TET3: variants seen among roughly 807,000 people sequenced by gnomAD.
The protein encoded by TET3 is tet methylcytosine dioxygenase 3, also known as methylcytosine dioxygenase TET3.
In TET3, 19 loss-of-function variants were observed where a neutral mutation model predicts 141.4. That is an observed-to-expected ratio of 0.13 (90% CI 0.09 to 0.20). The LOEUF is 0.20. TET3 is among the 10% of genes least tolerant of loss of function. The probability of loss-of-function intolerance (pLI) is 1.00; values close to 1 mark genes in which losing one functional copy is unlikely to be tolerated. For synonymous variants in TET3, 1,043 were observed against 980.9 expected (o/e 1.06, Z -1.18); for missense variants, 1,874 against 2,356.9 (o/e 0.80, Z 4.24).
intron 10 of TET3, among the ~76,000 whole-genome samples, chr2:74,096,640 C>T (rs1402677180): frequency 1.3e-5 from 2 of 151,834 alleles, no homozygotes; most frequent in Non-Finnish European, 2.9e-5. Flanking sequence ...TGGTGGCAGG[C>T]GCCTGTAATC....
In TET3 at chr2:74,100,429, T is replaced by C. The variant is rs769582752; in HGVS notation, c.3641T>C (p.Leu1214Pro). Residue 1214 changes from leucine to proline, a missense_variant, in exon 12 of 12, where the codon CTG becomes CCG. This residue lies in a region of TET3 where 602 missense variants were observed against 590.2 expected (regional missense o/e 1.02). Coordinates refer to ENST00000409262, the MANE Select transcript of TET3 (RefSeq NM_001287491.2). The part of the protein sequence containing the change: ...SLKGGLSQQG[L>P]KPSLKVEPQN... ...AAGGGTGGATTGTCCCAGCAAGGCC[T>C]GAAGCCCTCCCTCAAGGTGGAGCCG... 1.2e-5 allele frequency: 19 copies of C among 1,573,204 alleles called. No individual in the cohort carries two copies. Among genetic ancestry groups the C allele is most frequent in the Non-Finnish European group, 1.5e-5 (17 of 1,159,524 alleles).
At chr2:74,066,753 G>C (rs933223919) in intron 4 of TET3, among the ~76,000 whole-genome samples, 1 of 152,116 alleles carries the variant, frequency 6.6e-6, no homozygotes, top group East Asian at 1.9e-4. Context: ...TTAGATCTTC[G>C]TATCTTGTTT....
the TET3 span, chr2:74,120,654 G>C: frequency 6.6e-6 from 1 of 152,440 alleles, no homozygotes; most frequent in South Asian, 2.1e-4. Flanking sequence ...GTGGCCGAGT[G>C]GGACCCACTT....
intron 6 of TET3, among the ~76,000 whole-genome samples, chr2:74,086,098 G>A (rs930776891): frequency 1.3e-5 from 2 of 152,160 alleles, no homozygotes; most frequent in African/African-American, 4.8e-5. Context: ...TCACCATCCT[G>A]CGTGGAGTTC....
At chr2:74,085,508 G>A (rs1267074992) in intron 6 of TET3, among the ~76,000 whole-genome samples, 1 of 152,250 alleles carries the variant, frequency 6.6e-6, no homozygotes, top group East Asian at 1.9e-4. Context: ...TATCCTTAGA[G>A]ACCACTCAGG....
chr2:74,092,594 G>A (rs1479634761), intron 8 of TET3, among the ~76,000 whole-genome samples: 15 of 152,170 alleles, frequency 9.9e-5, no homozygotes, highest in Admixed American at 9.8e-4. Context: ...TTCAGCACTC[G>A]AAAGCAAGAA....
downstream of TET3, among the ~76,000 whole-genome samples, chr2:74,112,176 A>G (rs150653632): frequency 1.6e-4 from 24 of 152,258 alleles, no homozygotes; most frequent in African/African-American, 5.8e-4. Context: ...GACACATTTT[A>G]ACTTTGCCGC....
At chr2:74,002,011 GC>G (rs1387410857) in intron 2 of TET3, among the ~76,000 whole-genome samples, 5 of 152,070 alleles carry the variant, frequency 3.3e-5, no homozygotes, top group African/African-American at 1.2e-4. Flanking sequence ...GTGGAGGAGG[GC>G]AGGGTTGACA....
At chr2:73,998,855 C>T (rs1035788617) in intron 2 of TET3, among the ~76,000 whole-genome samples, 10 of 151,920 alleles carry the variant, frequency 6.6e-5, no homozygotes, top group African/African-American at 2.4e-4. Flanking sequence ...CACAGACTTC[C>T]CTCATAGTCA....
At chr2:74,115,439 C>T in the TET3 span, among the ~76,000 whole-genome samples, 8 of 152,188 alleles carry the variant, frequency 5.3e-5, no homozygotes, top group African/African-American at 1.7e-4. Flanking sequence ...TGGGAGACGA[C>T]ACGGAATGAA....
intron 3 of TET3, among the ~76,000 whole-genome samples, chr2:74,006,665 A>C (rs575931463): frequency 1.3e-5 from 2 of 152,230 alleles, no homozygotes; most frequent in African/African-American, 4.8e-5. Context: ...GCTGCAGCAA[A>C]TGGTTTGGCT....
At chr2:74,116,012 CA>C in the TET3 span, among the ~76,000 whole-genome samples, 123 of 84,468 alleles carry the variant, frequency 1.5e-3, no homozygotes, top group Non-Finnish European at 2.1e-3. Flanking sequence ...GATCTGGTCT[CA>C]AAAAAAAAAA....
intron 3 of TET3, among the ~76,000 whole-genome samples, chr2:74,033,279 T>G (rs186315999): frequency 2.6e-5 from 4 of 152,244 alleles, no homozygotes; most frequent in Non-Finnish European, 5.9e-5. Flanking sequence ...CTGTTAACAT[T>G]TCTGTATGAT....
intron 3 of TET3, among the ~76,000 whole-genome samples, chr2:74,006,739 A>G (rs543733185): frequency 6.6e-6 from 1 of 152,136 alleles, no homozygotes; most frequent in Non-Finnish European, 1.5e-5. Context: ...TGGGTCTCAC[A>G]ATCCTCTTAA....
chr2:74,064,402 C>T (rs1158122133), intron 4 of TET3, among the ~76,000 whole-genome samples: 1 of 151,984 alleles, frequency 6.6e-6, no homozygotes, highest in African/African-American at 2.4e-5. Flanking sequence ...CTGAGCATTT[C>T]TTTTTTATTT....
chr2:74,061,143 GC>G, intron 4 of TET3, among the ~76,000 whole-genome samples: 1 of 149,768 alleles, frequency 6.7e-6, no homozygotes, highest in East Asian at 2.0e-4. Context: ...CGGGCGGGGG[GC>G]TGACCCCCCC....
chr2:74,111,973 T>A (rs1168283444), downstream of TET3, among the ~76,000 whole-genome samples: 2 of 152,180 alleles, frequency 1.3e-5, no homozygotes, highest in Admixed American at 1.3e-4. Context: ...CAGGAAGACT[T>A]TGGCTCTTCA....
At chr2:74,078,109 T>C (rs1689612766) in intron 5 of TET3, among the ~76,000 whole-genome samples, 1 of 152,166 alleles carries the variant, frequency 6.6e-6, no homozygotes, top group Non-Finnish European at 1.5e-5. Context: ...TTGAGTGAAA[T>C]AGAGAACATG....
intron 7 of TET3, among the ~76,000 whole-genome samples, chr2:74,088,565 C>T (rs769166262): frequency 5.9e-5 from 9 of 152,106 alleles, no homozygotes; most frequent in Non-Finnish European, 1.0e-4. Flanking sequence ...CGCTTGAACT[C>T]GGGCGGCGGA....
Sources: allele counts gnomAD v4.1 joint callset (sites outside exome capture counted in the v4.1 genomes callset), GRCh38; gene constraint gnomAD v4.1.1; regional missense constraint gnomAD v4.1.1; transcripts MANE v1.5; gene names NCBI Gene and HGNC (gene_info 2026-07-23, HGNC 2026-07-21).